FAM193A: variants seen among roughly 807,000 people sequenced by gnomAD.
FAM193A encodes the protein family with sequence similarity 193 member A, also known as protein FAM193A.
In FAM193A, 22 loss-of-function variants were observed where a neutral mutation model predicts 126.5. The observed-to-expected ratio is 0.17, with a 90% confidence interval of 0.12 to 0.25. FAM193A has a LOEUF of 0.25. Ranked by LOEUF, FAM193A falls within the 10% of genes least tolerant of loss-of-function variation. FAM193A has a pLI of 1.00. For synonymous variants in FAM193A, 761 were observed against 646.8 expected, an observed-to-expected ratio of 1.18 and a Z score of -2.68; for missense variants, 1,675 against 1,672.8, an observed-to-expected ratio of 1.00 and a Z score of -0.02.
chr4:2,716,699 G>A (rs778467644), intron 20 of FAM193A, among the ~76,000 whole-genome samples: 12 of 152,098 alleles, frequency 7.9e-5, no homozygotes, highest in South Asian at 4.1e-4. Flanking sequence ...ATTTTTAAGA[G>A]GGAATCTCAC....
At chr4:2,634,968 A>G (rs1226784284) in intron 5 of FAM193A, among the ~76,000 whole-genome samples, 1 of 152,126 alleles carries the variant, frequency 6.6e-6, no homozygotes, top group African/African-American at 2.4e-5. Flanking sequence ...TTTTTCTTCC[A>G]CTTTCTCTTC....
At chr4:2,536,392 C>T (rs891448164), upstream of FAM193A, among the ~76,000 whole-genome samples, 10 of 151,966 alleles carry the variant, frequency 6.6e-5, no homozygotes, top group Admixed American at 3.9e-4. Context: ...TCCCAGCGCC[C>T]GGGCCCTCGG....
intron 18 of FAM193A, among the ~76,000 whole-genome samples, chr4:2,697,745 T>G (rs1717196317): frequency 6.6e-6 from 1 of 152,250 alleles, no homozygotes; most frequent in Non-Finnish European, 1.5e-5. Context: ...TGGGCCTGAT[T>G]GGGAGGCTTT....
At chr4:2,682,755 AAAG>A (rs1291732136) in intron 13 of FAM193A, among the ~76,000 whole-genome samples, 1 of 152,162 alleles carries the variant, frequency 6.6e-6, no homozygotes, top group Non-Finnish European at 1.5e-5. Flanking sequence ...CTAATGTAAA[AAAG>A]GTAACATTTA....
intron 2 of FAM193A, among the ~76,000 whole-genome samples, chr4:2,621,949 C>T (rs1304060526): frequency 6.6e-6 from 1 of 152,050 alleles, no homozygotes; most frequent in Admixed American, 6.6e-5. Context: ...TACTCAGGTC[C>T]AGTCTACATA....
chr4:2,574,676 G>A (rs777061801), intron 1 of FAM193A, among the ~76,000 whole-genome samples: 21 of 152,114 alleles, frequency 1.4e-4, no homozygotes, highest in Non-Finnish European at 1.5e-4. Context: ...TAGTATCCAC[G>A]TTTATGTCTA....
At chr4:2,594,647 G>A (rs1320553394) in intron 1 of FAM193A, among the ~76,000 whole-genome samples, 4 of 152,014 alleles carry the variant, frequency 2.6e-5, no homozygotes, top group African/African-American at 7.2e-5. Flanking sequence ...GTTCGAAGGG[G>A]CTTCCTCCTA....
chr4:2,731,196 C>CAAA lies in FAM193A; in HGVS notation c.4455-553_4455-551dup, dbSNP rs546217602. Among the ~76,000 whole-genome samples, 216 of 86,840 alleles carry CAAA rather than the reference C, an allele frequency of 2.5e-3. 8 individuals carry two copies. The highest frequency in any genetic ancestry group is 3.9e-3 in the African/African-American group (65 of 16,500). The allele number at this position is 86,840 out of a possible 152,430, so 57.0% of individuals were successfully genotyped here. On this transcript the variant is annotated intron_variant, in intron 20 of 20. Transcript: ENST00000637812. Reference sequence around the variant, plus strand: ...GGATGACAAGAGCGAAACTCCTTCTCAAAAAAAAAAAAAAAAAAAAAAAAA... The same window carrying CAAA: ...GGATGACAAGAGCGAAACTCCTTCTCAAAAAAAAAAAAAAAAAAAAAAAAAAAA...
chr4:2,584,903 G>A (rs1002109024), intron 1 of FAM193A, among the ~76,000 whole-genome samples: 2 of 151,384 alleles, frequency 1.3e-5, no homozygotes, highest in Non-Finnish European at 2.9e-5. Context: ...CCAGCCTGGC[G>A]ACAGAGCAAG....
chr4:2,718,577 G>A (rs1425036355), intron 20 of FAM193A, among the ~76,000 whole-genome samples: 1 of 151,926 alleles, frequency 6.6e-6, no homozygotes, highest in Non-Finnish European at 1.5e-5. Context: ...TACAAAAAAA[G>A]TAAGCCAGAT....
intron 1 of FAM193A, among the ~76,000 whole-genome samples, chr4:2,558,287 A>G (rs923673001): frequency 1.3e-5 from 2 of 151,746 alleles, no homozygotes; most frequent in African/African-American, 2.4e-5. Context: ...AAAAAAAAAA[A>G]GGAAAGAAAA....
At chr4:2,700,691 T>A in intron 19 of FAM193A, 147 bp downstream of exon 19, 1 of 986,864 alleles carries the variant, frequency 1.0e-6, no homozygotes, top group Non-Finnish European at 1.5e-6. Context: ...CCAGGCATGG[T>A]GGCTCACACC....
chr4:2,688,356 G>C (rs1216775831), intron 13 of FAM193A, among the ~76,000 whole-genome samples: 1 of 152,168 alleles, frequency 6.6e-6, no homozygotes, highest in Non-Finnish European at 1.5e-5. Context: ...GTTCCTGGGA[G>C]GTGACAGCAA....
chr4:2,648,105 C>T (rs1038717140), intron 7 of FAM193A, among the ~76,000 whole-genome samples: 8 of 152,172 alleles, frequency 5.3e-5, no homozygotes, highest in African/African-American at 7.2e-5. Flanking sequence ...TTTGGATTTT[C>T]GCGGGTTTTC....
At chr4:2,728,313 T>C (rs1037953698) in intron 20 of FAM193A, among the ~76,000 whole-genome samples, 11 of 150,534 alleles carry the variant, frequency 7.3e-5, no homozygotes, top group Non-Finnish European at 1.3e-4. Context: ...CTGAGTATCT[T>C]TCCACCTCAG....
chr4:2,609,068 A>G (rs1170425713), intron 2 of FAM193A, among the ~76,000 whole-genome samples: 1 of 150,180 alleles, frequency 6.7e-6, no homozygotes, highest in Non-Finnish European at 1.5e-5. Context: ...TTTTTTTTGT[A>G]TTTTTCATAG....
At chr4:2,542,066 C>T (rs569660070) in intron 1 of FAM193A, among the ~76,000 whole-genome samples, 1 of 150,838 alleles carries the variant, frequency 6.6e-6, no homozygotes, top group Non-Finnish European at 1.5e-5. Flanking sequence ...CCCCAGCTGG[C>T]GTACAGTGGG....
intron 3 of FAM193A, among the ~76,000 whole-genome samples, chr4:2,626,179 T>C (rs1255007701): frequency 6.6e-6 from 1 of 152,104 alleles, no homozygotes. Flanking sequence ...TTGTGGACAT[T>C]AGCCACAGAT....
At chr4:2,661,403 G>A (rs1198848830) in intron 10 of FAM193A, among the ~76,000 whole-genome samples, 1 of 152,174 alleles carries the variant, frequency 6.6e-6, no homozygotes, top group Non-Finnish European at 1.5e-5. Flanking sequence ...ACGGAGCTAG[G>A]GCTGGTGAAG....
Sources: gnomAD v4.1 joint callset for allele counts (sites outside exome capture counted in the v4.1 genomes callset) on GRCh38, gnomAD v4.1.1 for gene constraint, MANE v1.5 for transcripts, NCBI Gene and HGNC (gene_info 2026-07-23, HGNC 2026-07-21) for gene names.